The following GNB2 variants were observed in gnomAD, a reference collection of about 807,000 sequenced individuals.
GNB2 encodes the protein guanine nucleotide-binding protein G(I)/G(S)/G(T) subunit beta-2.
In GNB2, 7 loss-of-function variants were observed where a neutral mutation model predicts 40.7. That is an observed-to-expected ratio of 0.17 (90% confidence interval 0.10 to 0.32). The LOEUF is 0.32. GNB2 is among the 10% of genes least tolerant of loss of function. GNB2 has a pLI of 1.00. For missense variants in GNB2, 286 were observed against 473.0 expected (o/e 0.60, Z 3.67); for synonymous variants, 254 against 191.2 (o/e 1.33, Z -2.71).
At position 100,677,838 on chromosome 7, in the gene GNB2, G is replaced by C. The variant is rs1804387609; in HGVS notation, c.497+20G>C. The C allele has an allele frequency of 6.2e-7, 1 of 1,602,976 alleles. No homozygotes were observed. The highest frequency in any genetic ancestry group is 1.7e-5 in the Admixed American group (1 of 59,872). On this transcript the variant is annotated intron_variant, in intron 7 of 9. Transcript: ENST00000303210. ...CACCTGGTGAGGCTCTGCCAGGGCTGGGCAGTCTGGGCAAACCCACACTTC... is the reference window on the plus strand; with the variant it reads ...CACCTGGTGAGGCTCTGCCAGGGCTCGGCAGTCTGGGCAAACCCACACTTC...
In GNB2 at chr7:100,678,874, G is replaced by A. The variant is rs1804429061; in HGVS notation, c.*73G>A. ...CCACACTACAGGCCAGGGCTGCGGG[G>A]CTGGCGCAATCCCAGCCCCCTTCCC... On this transcript the variant is annotated 3_prime_UTR_variant, in exon 10 of 10. Transcript: ENST00000303210. 3 of 1,193,864 alleles carry A rather than the reference G, an allele frequency of 2.5e-6. No individual in the cohort carries two copies. The highest frequency in any genetic ancestry group is 4.0e-5 in the Admixed American group (2 of 50,496). 74.0% of individuals were successfully genotyped at this position (1,193,864 alleles called of 1,614,324 possible). A position where few individuals can be genotyped will look rare whatever the true frequency, so the allele number is the denominator to read the frequency against.
In GNB2 at chr7:100,679,064, A is replaced by G. The variant is rs1043971371; in HGVS notation, c.*263A>G. The G allele has an allele frequency of 6.8e-6, 3 of 442,332 alleles. No individual in the cohort carries two copies. The highest frequency in any genetic ancestry group is 3.3e-5 in the East Asian group (1 of 30,248). The allele number at this position is 442,332 out of a possible 1,614,324, so 27.4% of individuals were successfully genotyped here. A position where few individuals can be genotyped will look rare whatever the true frequency, so the allele number is the denominator to read the frequency against. On this transcript the variant is annotated 3_prime_UTR_variant, in exon 10 of 10. Coordinates refer to ENST00000303210, the MANE Select transcript of GNB2 (RefSeq NM_005273.4). ...GGGCCTCACCCCTCTGGAGGGCCGG[A>G]GGCAGGAGGTGGAAACCCCAGGGGC...
Position 100,678,742 on chromosome 7 carries a change from G to T in GNB2, c.964G>T (p.Asp322Tyr). ...DNRVSCLGVTDDGMAVATGSW... is the reference protein window; with the variant it reads ...DNRVSCLGVTYDGMAVATGSW... ...CCGCGTGAGCTGCCTCGGGGTCACC[G>T]ACGATGGCATGGCTGTGGCCACGGG... The change falls in exon 10 of 10, where the codon GAC (aspartate) becomes TAC (tyrosine). Residue 322 changes from aspartate (D) to tyrosine (Y), a missense_variant. Coordinates refer to ENST00000303210, the MANE Select transcript of GNB2 (RefSeq NM_005273.4). The T allele has an allele frequency of 2.5e-6, 4 of 1,613,806 alleles. No homozygotes were observed. The highest frequency in any genetic ancestry group is 3.4e-6 in the Non-Finnish European group (4 of 1,180,002).
At position 100,677,737 on chromosome 7, in the gene GNB2, C is replaced by G; in HGVS notation, c.431-15C>G. ...CCCTCCGTGTGGAGACCTGGCTGAC[C>G]AGCTCCTTCCCCAGGGTACCTGTCG... On this transcript the variant is annotated splice_polypyrimidine_tract_variant and intron_variant, in intron 6 of 9. Transcript: ENST00000303210. 6.2e-7 allele frequency: 1 copy of G among 1,613,634 alleles called. No homozygotes were observed. Among genetic ancestry groups the G allele is most frequent in the Non-Finnish European group, 8.5e-7 (1 of 1,179,866 alleles).
intron 9 of GNB2, 29 bp from the exon 10 acceptor site, chr7:100,678,666 A>C: frequency 6.2e-7 from 1 of 1,609,544 alleles, no homozygotes; most frequent in Non-Finnish European, 8.5e-7. Flanking sequence ...CCCAGGCCCA[A>C]TGGGTTCTGA....
In GNB2 at chr7:100,679,160, C is replaced by CTT; in HGVS notation, c.*359_*360insTT. On this transcript the variant is annotated 3_prime_UTR_variant, in exon 10 of 10. Coordinates refer to ENST00000303210, the MANE Select transcript of GNB2 (RefSeq NM_005273.4). The stretch of plus-strand genomic sequence containing the variant: ...AGTTTTTCCATAAAGGAGCCAATTC[C>CTT]AACTCTGTACCTGGTCTCTGCCCTT... 5.1e-6 allele frequency: 1 copy of CTT among 196,292 alleles called. No homozygotes were observed. The highest frequency in any genetic ancestry group is 5.3e-5 in the Admixed American group (1 of 19,008). 12.2% of individuals were successfully genotyped at this position (196,292 alleles called of 1,614,324 possible). A position where few individuals can be genotyped will look rare whatever the true frequency, so the allele number is the denominator to read the frequency against.
In GNB2 at chr7:100,676,850, G is replaced by A. The variant is rs144815932; in HGVS notation, c.203+51G>A. On this transcript the variant is annotated intron_variant, in intron 4 of 9. Transcript: ENST00000303210. ...CTGTGGGCCGACTTTCTAGCAGGCC[G>A]TGGGAGCAGCCTCAGATCTGGCGGA... The A allele has an allele frequency of 9.7e-5, 104 of 1,074,938 alleles. No homozygotes were observed. The South Asian group carries it at 1.2e-3, about 13-fold the overall frequency. 66.6% of individuals were successfully genotyped at this position (1,074,938 alleles called of 1,614,324 possible).
chr7:100,677,025 C>T lies in GNB2; in HGVS notation c.203+226C>T, dbSNP rs551337461. ...TCTCAGGTGGCTCACGCCTGTAATC[C>T]CAGCACGTGGGGAGGCCAGGGCAGG... is the stretch of plus-strand genomic sequence containing the variant. On this transcript the variant is annotated intron_variant, in intron 4 of 9. Coordinates refer to ENST00000303210, the MANE Select transcript of GNB2 (RefSeq NM_005273.4). 122 of 593,990 alleles carry T rather than the reference C, an allele frequency of 2.1e-4. 2 individuals carry two copies. In the South Asian group the frequency reaches 2.5e-3, roughly 12 times the overall value. The allele number at this position is 593,990 out of a possible 1,614,324, so 36.8% of individuals were successfully genotyped here.
chr7:100,676,398 G>T, intron 2 of GNB2, 76 bp downstream of exon 2: 1 of 1,357,138 alleles, frequency 7.4e-7, no homozygotes. Context: ...TGAGGGTGTT[G>T]GTGGGGGAAG....
At chr7:100,674,506 G>A (rs1451254511) in intron 1 of GNB2, among the ~76,000 whole-genome samples, 1 of 149,032 alleles carries the variant, frequency 6.7e-6, no homozygotes, top group African/African-American at 2.5e-5. Context: ...GCTCCCAGGC[G>A]CCCGCCCCCC....
At position 100,679,033 on chromosome 7, in the gene GNB2, G is replaced by A; in HGVS notation, c.*232G>A. 1.9e-6 allele frequency: 1 copy of A among 535,250 alleles called. No individual in the cohort carries two copies. Among genetic ancestry groups the A allele is most frequent in the Non-Finnish European group, 3.3e-6 (1 of 300,644 alleles). The allele number at this position is 535,250 out of a possible 1,614,324, so 33.2% of individuals were successfully genotyped here. A position where few individuals can be genotyped will look rare whatever the true frequency, so the allele number is the denominator to read the frequency against. Reference sequence around the variant, plus strand: ...AGGCCCTCATCCTTCTGCTGCCCTGGGGTTGGGGCCTCACCCCTCTGGAGG... The same window carrying A: ...AGGCCCTCATCCTTCTGCTGCCCTGAGGTTGGGGCCTCACCCCTCTGGAGG... On this transcript the variant is annotated 3_prime_UTR_variant, in exon 10 of 10. Coordinates refer to ENST00000303210, the MANE Select transcript of GNB2 (RefSeq NM_005273.4).
At chr7:100,677,976 C>A in intron 7 of GNB2, 122 bp from the exon 8 acceptor site, 2 of 1,033,576 alleles carry the variant, frequency 1.9e-6, no homozygotes, top group Non-Finnish European at 2.9e-6. Flanking sequence ...CCACCTAAGG[C>A]TCTGAGAAGA....
intron 4 of GNB2, 52 bp from the exon 5 acceptor site, chr7:100,677,300 G>A (rs1177387159): frequency 7.1e-6 from 10 of 1,415,148 alleles, no homozygotes; most frequent in Non-Finnish European, 1.0e-5. Flanking sequence ...GGAAGGGGGT[G>A]TGTCTTGTTT....
chr7:100,677,668 G>T lies in GNB2; in HGVS notation c.430+8G>T. ...AGCTGCCTGGCCACACTGGTGAGGG[G>T]CCTGGCCCAGTTCGGGCCCTTTTTG... On this transcript the variant is annotated splice_region_variant and intron_variant, in intron 6 of 9. Coordinates refer to ENST00000303210, the MANE Select transcript of GNB2 (RefSeq NM_005273.4). The T allele has an allele frequency of 6.2e-7, 1 of 1,613,342 alleles. No individual in the cohort carries two copies. Among genetic ancestry groups the T allele is most frequent in the Non-Finnish European group, 8.5e-7 (1 of 1,179,902 alleles).
In GNB2 at chr7:100,678,994, A is replaced by AG. The variant is rs1804434309; in HGVS notation, c.*194dup. The AG allele has an allele frequency of 3.5e-6, 2 of 579,362 alleles. No individual in the cohort carries two copies. The highest frequency in any genetic ancestry group is 6.2e-6 in the Non-Finnish European group (2 of 323,372). 35.9% of individuals were successfully genotyped at this position (579,362 alleles called of 1,614,324 possible). ...GATAAGAAGGGGATGGAATGGGGGA[A>AG]GAGGAGGAGCAGGAGGCCCTCATCC... On this transcript the variant is annotated 3_prime_UTR_variant, in exon 10 of 10. Transcript: ENST00000303210.
chr7:100,677,941 G>T (rs933075458), intron 7 of GNB2, 123 bp downstream of exon 7: 1 of 1,016,342 alleles, frequency 9.8e-7, no homozygotes, highest in Non-Finnish European at 1.5e-6. Context: ...GCGCTAAGGG[G>T]GTCAGGGAGG....
chr7:100,675,021 G>T (rs1193861485), intron 1 of GNB2, among the ~76,000 whole-genome samples: 2 of 152,280 alleles, frequency 1.3e-5, no homozygotes, highest in African/African-American at 2.4e-5. Flanking sequence ...GCGCCTGGGG[G>T]AAGTGGGAGC....
chr7:100,678,499 C>T lies in GNB2; in HGVS notation c.801C>T (p.Asp267=). The change falls in exon 9 of 10, where the codon GAC becomes GAT. Residue 267 remains aspartate, a synonymous_variant. Transcript: ENST00000303210. ...ADQELLMYSH[D]NIICGITSVA... ...AGGAGCTCCTCATGTACTCCCATGACAACATCATCTGTGGCATCACCTCTG... is the reference window on the plus strand; with the variant it reads ...AGGAGCTCCTCATGTACTCCCATGATAACATCATCTGTGGCATCACCTCTG... The T allele has an allele frequency of 6.2e-7, 1 of 1,613,796 alleles. No individual in the cohort carries two copies. The highest frequency in any genetic ancestry group is 2.2e-5 in the East Asian group (1 of 44,886).
At chr7:100,677,909 C>G (rs1024764138) in intron 7 of GNB2, 91 bp downstream of exon 7, 5 of 1,189,018 alleles carry the variant, frequency 4.2e-6, no homozygotes, top group African/African-American at 1.5e-5. Flanking sequence ...CAGCATGCAC[C>G]GTAGCCTCCC....
Sources: gnomAD v4.1 joint callset for allele counts (sites outside exome capture counted in the v4.1 genomes callset) on GRCh38, gnomAD v4.1.1 for gene constraint, MANE v1.5 for transcripts, NCBI Gene and HGNC (gene_info 2026-07-23, HGNC 2026-07-21) for gene names.